FBN2: variants seen among roughly 807,000 people sequenced by gnomAD.
FBN2 encodes fibrillin 2, also known as fibrillin-2.
In FBN2, 105 loss-of-function variants were observed where a neutral mutation model predicts 355.6. That is an observed-to-expected ratio of 0.30 (90% confidence interval 0.25 to 0.35). The LOEUF (loss-of-function observed/expected upper bound fraction) is 0.35, where lower values mean the gene tolerates loss of function less well. Ranked by LOEUF, FBN2 falls within the 10% of genes least tolerant of loss-of-function variation. FBN2 has a pLI of 1.00. For missense variants in FBN2, 3,280 were observed against 3,758.7 expected (o/e 0.87, Z 3.33); for synonymous variants, 1,350 against 1,301.2 (o/e 1.04, Z -0.81).
chr5:128,537,487 C>T lies in FBN2; in HGVS notation c.117G>A (p.Arg39=). 6.3e-7 allele frequency: 1 copy of T among 1,592,786 alleles called. No homozygotes were observed. The highest frequency in any genetic ancestry group is 8.5e-7 in the Non-Finnish European group (1 of 1,171,954). The change falls in exon 1 of 65, where the codon CGG becomes CGA. Residue 39 remains arginine, a synonymous_variant. Coordinates refer to ENST00000262464, the MANE Select transcript of FBN2 (RefSeq NM_001999.4). ...GAACCTGTTGCGGCGGCGGCTGGGG[C>T]CGGGGCGGCTTGGGCGGAGGAGGCT... ...QPQPPPPKPP[R]PQPPPQQVRS... is the part of the protein sequence containing the mutation.
chr5:128,464,893 C>A lies in FBN2; in HGVS notation c.657G>T (p.Gln219His). 1 of 1,614,198 alleles carries A rather than the reference C, an allele frequency of 6.2e-7. No homozygotes were observed. The highest frequency in any genetic ancestry group is 8.5e-7 in the Non-Finnish European group (1 of 1,180,032). ...GCCCTTGGCACATCTGGTTGTTGAC[C>A]TGAGTGAAACACGGGCCTGTCCTGT... The part of the protein sequence containing the change: ...RDYRTGPCFT[Q>H]VNNQMCQGQL... The change falls in exon 6 of 65, where the codon CAG (glutamine) becomes CAT (histidine). Residue 219 changes from glutamine (Q) to histidine (H), a missense_variant. Physicochemically the swap from Gln to His is conservative, Grantham distance 24 (BLOSUM62 0). Around this residue, in one of 6 missense-constraint regions of FBN2, gnomAD observed 130 missense variants for 189.9 expected, o/e 0.68. Coordinates refer to ENST00000262464, the MANE Select transcript of FBN2 (RefSeq NM_001999.4).
At chr5:128,349,828 T>C in intron 22 of FBN2, 127 bp downstream of exon 22, 1 of 769,618 alleles carries the variant, frequency 1.3e-6, no homozygotes, top group Non-Finnish European at 2.3e-6. Context: ...GTTGATTACA[T>C]CGAGTATTTT....
At chr5:128,338,228 G>T in intron 26 of FBN2, 106 bp from the exon 27 acceptor site, 1 of 1,134,162 alleles carries the variant, frequency 8.8e-7, no homozygotes, top group Non-Finnish European at 1.3e-6. Context: ...GTGAGTTAGT[G>T]GAAGAGAGAT....
intron 5 of FBN2, among the ~76,000 whole-genome samples, chr5:128,484,834 T>C (rs1755292490): frequency 6.6e-6 from 1 of 152,182 alleles, no homozygotes; most frequent in Admixed American, 6.5e-5. Context: ...GTCCAGGCTC[T>C]TGTGCACTCC....
Position 128,536,491 on chromosome 5 carries a change from T to C in FBN2, c.255-7A>G. The stretch of plus-strand genomic sequence containing the variant: ...GGAGCCGCACACGTTGGGCCTGTGA[T>C]GGACAAGCGCGGTCACGTAACAGAT... On this transcript the variant is annotated splice_polypyrimidine_tract_variant and splice_region_variant and intron_variant, in intron 1 of 64. Transcript: ENST00000262464. The C allele has an allele frequency of 6.2e-7, 1 of 1,612,502 alleles. No individual in the cohort carries two copies. The highest frequency in any genetic ancestry group is 8.5e-7 in the Non-Finnish European group (1 of 1,178,890).
intron 33 of FBN2, 114 bp downstream of exon 33, chr5:128,330,452 CAAGTATA>C: frequency 1.0e-6 from 1 of 982,744 alleles, no homozygotes; most frequent in Non-Finnish European, 1.6e-6. Context: ...ACCTGCAAGT[CAAGTATA>C]AAAAAAGAGG....
Position 128,310,139 on chromosome 5 carries a change from T to C in FBN2, c.5075-31A>G, listed in dbSNP as rs771980322. 4 of 1,559,916 alleles carry C rather than the reference T, an allele frequency of 2.6e-6. No individual in the cohort carries two copies. The African/African-American group carries it at 5.5e-5, about 21-fold the overall frequency. The stretch of plus-strand genomic sequence containing the variant: ...GTAGGCAAGAATATCTATTAATTAA[T>C]AAATCTATTTTTTCAATGAATTTAT... On this transcript the variant is annotated intron_variant, in intron 39 of 64. Transcript: ENST00000262464.
intron 7 of FBN2, among the ~76,000 whole-genome samples, chr5:128,444,984 A>G (rs1754028875): frequency 6.6e-6 from 1 of 152,236 alleles, no homozygotes. Flanking sequence ...AAAAGCCAGG[A>G]GAAAAAATAC....
chr5:128,311,797 GC>G, intron 38 of FBN2, 87 bp downstream of exon 38: 1 of 903,406 alleles, frequency 1.1e-6, no homozygotes, highest in South Asian at 1.3e-5. Context: ...TCTTGTCGGG[GC>G]TGCTCTGCCC....
In FBN2 at chr5:128,392,171, G is replaced by A; in HGVS notation, c.1466-16C>T. On this transcript the variant is annotated splice_polypyrimidine_tract_variant and intron_variant, in intron 10 of 64. Coordinates refer to ENST00000262464, the MANE Select transcript of FBN2 (RefSeq NM_001999.4). ...TTCAGAATTGCTACGGAAAATTAAA[G>A]CACAATTATATTTAATCATTACAAC... 6.2e-7 allele frequency: 1 copy of A among 1,608,918 alleles called. No homozygotes were observed. The highest frequency in any genetic ancestry group is 1.7e-5 in the Admixed American group (1 of 60,004).
At chr5:128,300,071 G>T (rs1749672086) in intron 48 of FBN2, among the ~76,000 whole-genome samples, 1 of 152,180 alleles carries the variant, frequency 6.6e-6, no homozygotes, top group Non-Finnish European at 1.5e-5. Context: ...AATATGAACA[G>T]TAGAATGACA....
chr5:128,286,856 C>G lies in FBN2; in HGVS notation c.6881-7G>C. 1.2e-6 allele frequency: 2 copies of G among 1,613,652 alleles called. No individual in the cohort carries two copies. Among genetic ancestry groups the G allele is most frequent in the South Asian group, 1.1e-5 (1 of 91,040 alleles). On this transcript the variant is annotated splice_polypyrimidine_tract_variant and splice_region_variant and intron_variant, in intron 54 of 64. Transcript: ENST00000262464. The stretch of plus-strand genomic sequence containing the variant: ...TCAGCACATTCATCCAGATCTAGAA[C>G]AAAAAATAAAAATTAAAAATTATCT...
intron 46 of FBN2, 97 bp downstream of exon 46, chr5:128,302,876 T>G: frequency 1.3e-6 from 1 of 785,246 alleles, no homozygotes; most frequent in Non-Finnish European, 2.3e-6. Context: ...GCAATTTTAG[T>G]AATATAATTT....
intron 5 of FBN2, among the ~76,000 whole-genome samples, chr5:128,488,716 T>C (rs1165129139): frequency 1.3e-5 from 2 of 151,560 alleles, no homozygotes; most frequent in Non-Finnish European, 2.9e-5. Flanking sequence ...GTGTTCTCAT[T>C]GTTAATTCCC....
At chr5:128,494,293 T>C (rs1418536037) in intron 5 of FBN2, among the ~76,000 whole-genome samples, 1 of 152,100 alleles carries the variant, frequency 6.6e-6, no homozygotes, top group Non-Finnish European at 1.5e-5. Context: ...TTAAAATAGA[T>C]AAAGTAGGGA....
intron 4 of FBN2, 99 bp downstream of exon 4, chr5:128,527,773 T>C (rs1756600003): frequency 1.1e-6 from 1 of 879,386 alleles, no homozygotes; most frequent in Non-Finnish European, 1.9e-6. Flanking sequence ...CATAAAATTG[T>C]TTTTTCAAAA....
chr5:128,311,865 T>G lies in FBN2; in HGVS notation c.4948+20A>C. 1 of 1,581,382 alleles carries G rather than the reference T, an allele frequency of 6.3e-7. No individual in the cohort carries two copies. The highest frequency in any genetic ancestry group is 8.7e-7 in the Non-Finnish European group (1 of 1,150,250). Reference sequence around the variant, plus strand: ...ACTCTTTACCTTGTTTGAATCTGGGTGACAATGGGATTAGCTCACCTTCTA... The same window carrying G: ...ACTCTTTACCTTGTTTGAATCTGGGGGACAATGGGATTAGCTCACCTTCTA... On this transcript the variant is annotated intron_variant, in intron 38 of 64. Coordinates refer to ENST00000262464, the MANE Select transcript of FBN2 (RefSeq NM_001999.4).
intron 2 of FBN2, among the ~76,000 whole-genome samples, chr5:128,532,852 C>A (rs1294643000): frequency 2.0e-5 from 3 of 152,108 alleles, no homozygotes; most frequent in African/African-American, 7.2e-5. Flanking sequence ...TGGAGATCAG[C>A]CTGGGCAGAC....
intron 34 of FBN2, among the ~76,000 whole-genome samples, chr5:128,323,877 T>G (rs1360192555): frequency 6.6e-6 from 1 of 152,204 alleles, no homozygotes; most frequent in Non-Finnish European, 1.5e-5. Context: ...CCAGCTCCTA[T>G]TTGTACCTCT....
Sources: gnomAD v4.1 joint callset for allele counts (sites outside exome capture counted in the v4.1 genomes callset) on GRCh38, gnomAD v4.1.1 for gene constraint, gnomAD v4.1.1 regional missense constraint, MANE v1.5 for transcripts, NCBI Gene and HGNC (gene_info 2026-07-23, HGNC 2026-07-21) for gene names.